The following GRAMD1B variants were observed in gnomAD, a reference collection of about 807,000 sequenced individuals.
GRAMD1B encodes the protein protein Aster-B.
In GRAMD1B, 37 loss-of-function variants were observed where a neutral mutation model predicts 99.7. That is an observed-to-expected ratio of 0.37 (90% CI 0.29 to 0.49). The LOEUF is 0.49. Among genes scored for constraint, GRAMD1B ranks in the 20% least tolerant of loss-of-function variants. The probability of loss-of-function intolerance (pLI) is 0.98; values close to 1 mark genes in which losing one functional copy is unlikely to be tolerated. For synonymous variants in GRAMD1B, 427 were observed against 387.6 expected (o/e 1.10, Z -1.19); for missense variants, 888 against 1,009.2 (o/e 0.88, Z 1.63).
intron 1 of GRAMD1B, among the ~76,000 whole-genome samples, chr11:123,450,832 G>A (rs374358021): frequency 6.6e-6 from 1 of 152,322 alleles, no homozygotes; most frequent in African/African-American, 2.4e-5. Context: ...GCTGTCAGAT[G>A]TCAAAGCTGT....
intron 1 of GRAMD1B, among the ~76,000 whole-genome samples, chr11:123,365,087 A>G (rs766691936): frequency 6.6e-6 from 1 of 152,208 alleles, no homozygotes; most frequent in Non-Finnish European, 1.5e-5. Context: ...AATATTTTGC[A>G]TAAGGAATTA....
intron 1 of GRAMD1B, among the ~76,000 whole-genome samples, chr11:123,437,366 C>A (rs1042381651): frequency 1.3e-5 from 2 of 152,144 alleles, no homozygotes; most frequent in African/African-American, 4.8e-5. Flanking sequence ...TTAGATGAAA[C>A]CACATCTCCC....
chr11:123,522,407 C>A (rs983403351), intron 2 of GRAMD1B, among the ~76,000 whole-genome samples: 1 of 152,154 alleles, frequency 6.6e-6, no homozygotes, highest in African/African-American at 2.4e-5. Flanking sequence ...CAACTTCCAC[C>A]TCCCAGGTTC....
chr11:123,621,478 T>A (rs1955102933), intron 19 of GRAMD1B, among the ~76,000 whole-genome samples: 1 of 152,132 alleles, frequency 6.6e-6, no homozygotes, highest in Admixed American at 6.5e-5. Flanking sequence ...TAGACACAGT[T>A]CTAGTCCTAG....
rs201697587 is a variant in GRAMD1B, at chr11:123,444,294, G to GT, written c.374+13130dup. ...TTATGCTAGAGTCAGGTTGGAATTT[G>GT]TTGTCTTATTGCAACATAGTCTGTT... On this transcript the variant is annotated intron_variant, in intron 1 of 19. Coordinates refer to ENST00000635736, the MANE Select transcript of GRAMD1B (RefSeq NM_001387025.1). 1.5e-3 allele frequency among the ~76,000 whole-genome samples: 230 copies of GT among 152,226 alleles called. 2 individuals carry two copies. The highest frequency in any genetic ancestry group is 8.1e-3 in the East Asian group (42 of 5,176).
chr11:123,491,663 G>T, intron 2 of GRAMD1B: 1 of 384,082 alleles, frequency 2.6e-6, no homozygotes, highest in Non-Finnish European at 4.6e-6. Context: ...CCCCAGGCTT[G>T]CCCACCCTGG....
chr11:123,361,988 G>A (rs1411407727), intron 1 of GRAMD1B, among the ~76,000 whole-genome samples: 1 of 152,184 alleles, frequency 6.6e-6, no homozygotes, highest in Non-Finnish European at 1.5e-5. Flanking sequence ...TTAGTTGGTG[G>A]ACCACTTGGC....
At chr11:123,577,254 C>G in intron 2 of GRAMD1B, 113 bp from the exon 3 acceptor site, 1 of 879,186 alleles carries the variant, frequency 1.1e-6, no homozygotes, top group Non-Finnish European at 1.8e-6. Context: ...AGCCCCTCAC[C>G]TGGCTCCCTG....
rs114938899 is a variant in GRAMD1B at position 123,547,839 on chromosome 11, A to G, written c.453-29528A>G. 9.7e-3 allele frequency among the ~76,000 whole-genome samples: 1,478 copies of G among 152,268 alleles called. 19 individuals carry two copies. The highest frequency in any genetic ancestry group is 0.034 in the African/African-American group (1,393 of 41,542). ...ATTAGTACATTCCTTCACTTGCTTC[A>G]GTTGACAAGGCCCACATGTGTTAAT... On this transcript the variant is annotated intron_variant, in intron 2 of 19. Transcript: ENST00000635736.
chr11:123,538,181 A>G (rs1944151678), intron 2 of GRAMD1B, among the ~76,000 whole-genome samples: 2 of 151,826 alleles, frequency 1.3e-5, no homozygotes, highest in South Asian at 4.2e-4. Flanking sequence ...TCCTCTTCAC[A>G]TCCTCCTCTC....
At chr11:123,488,220 A>G (rs1158658432) in intron 2 of GRAMD1B, among the ~76,000 whole-genome samples, 1 of 152,080 alleles carries the variant, frequency 6.6e-6, no homozygotes, top group Non-Finnish European at 1.5e-5. Flanking sequence ...ATACCATTGC[A>G]CTGGAGGTTA....
At chr11:123,616,650 C>T (rs1237769551) in intron 17 of GRAMD1B, among the ~76,000 whole-genome samples, 2 of 152,356 alleles carry the variant, frequency 1.3e-5, no homozygotes, top group African/African-American at 2.4e-5. Flanking sequence ...ACACGTGGGA[C>T]GGGCTGACAC....
At chr11:123,419,433 C>T in intron 1 of GRAMD1B, among the ~76,000 whole-genome samples, 1 of 152,212 alleles carries the variant, frequency 6.6e-6, no homozygotes, top group Middle Eastern at 3.4e-3. Flanking sequence ...AGTTCAAGAC[C>T]AGCCTGGGCA....
intron 1 of GRAMD1B, among the ~76,000 whole-genome samples, chr11:123,423,483 A>G (rs1338347831): frequency 1.3e-5 from 2 of 152,100 alleles, no homozygotes; most frequent in African/African-American, 2.4e-5. Flanking sequence ...GATGTCCCTC[A>G]TTCTTTTTGC....
At chr11:123,515,934 A>G (rs1941632870) in intron 2 of GRAMD1B, among the ~76,000 whole-genome samples, 1 of 152,014 alleles carries the variant, frequency 6.6e-6, no homozygotes, top group Non-Finnish European at 1.5e-5. Context: ...CGCCGGGCTA[A>G]TTTTTGTATT....
intron 1 of GRAMD1B, among the ~76,000 whole-genome samples, chr11:123,446,058 C>G (rs147434745): frequency 6.6e-6 from 1 of 152,186 alleles, no homozygotes; most frequent in Admixed American, 6.5e-5. Context: ...TCCCAAGACT[C>G]ACTGTTGCTC....
chr11:123,596,559 G>T (rs1368140951), intron 7 of GRAMD1B, among the ~76,000 whole-genome samples: 1 of 152,196 alleles, frequency 6.6e-6, no homozygotes, highest in African/African-American at 2.4e-5. Context: ...TTTCACTAGA[G>T]CCTGAAGATG....
chr11:123,598,375 C>T (rs779488946), intron 7 of GRAMD1B: 9 of 1,013,144 alleles, frequency 8.9e-6, no homozygotes, highest in Admixed American at 1.7e-5. Context: ...TGCTCTTTTT[C>T]GTCTTCCTCT....
At chr11:123,382,303 G>T (rs1946905197) in intron 1 of GRAMD1B, among the ~76,000 whole-genome samples, 1 of 152,162 alleles carries the variant, frequency 6.6e-6, no homozygotes, top group Admixed American at 6.5e-5. Flanking sequence ...TTGAACCTGA[G>T]CCTAACTGTG....
Sources: allele counts gnomAD v4.1 joint callset (sites outside exome capture counted in the v4.1 genomes callset), GRCh38; gene constraint gnomAD v4.1.1; transcripts MANE v1.5; gene names NCBI Gene and HGNC (gene_info 2026-07-23, HGNC 2026-07-21).